The following MCC variants were observed in gnomAD, a reference collection of about 807,000 sequenced individuals.
MCC encodes MCC regulator of Wnt signaling pathway.
A neutral mutation model predicts 116.2 loss-of-function variants in MCC; 90 were observed. The observed-to-expected ratio is 0.77, with a 90% confidence interval of 0.65 to 0.92. The LOEUF is 0.92. Among genes scored for constraint, MCC ranks in the 40% least tolerant of loss-of-function variants. MCC has a pLI of 0.00. For synonymous variants in MCC, 578 were observed against 510.5 expected, an observed-to-expected ratio of 1.13 and a Z score of -1.78; for missense variants, 1,516 against 1,312.2, an observed-to-expected ratio of 1.16 and a Z score of -2.40.
chr5:113,049,969 T>A (rs1752377874), intron 15 of MCC, among the ~76,000 whole-genome samples: 1 of 152,176 alleles, frequency 6.6e-6, no homozygotes, highest in Non-Finnish European at 1.5e-5. Flanking sequence ...GAGTGGAGAA[T>A]ACGAAGTGAA....
rs951490709 is a variant in MCC at position 113,336,084 on chromosome 5, G to C, written c.627+4435C>G. Among the ~76,000 whole-genome samples, 11 of 151,612 alleles carry C rather than the reference G, an allele frequency of 7.3e-5. 1 individual carries two copies. Among genetic ancestry groups the C allele is most frequent in the African/African-American group, 2.7e-4 (11 of 40,960 alleles). On this transcript the variant is annotated intron_variant, in intron 3 of 18. Transcript: ENST00000408903. The stretch of plus-strand genomic sequence containing the variant: ...AAGAGTGCAAGGGCAAGGAGAAGGT[G>C]AGAGAAAAAGAAAGAGAGAGAGACA...
intron 3 of MCC, among the ~76,000 whole-genome samples, chr5:113,197,392 C>CT (rs1762466337): frequency 1.3e-5 from 2 of 152,036 alleles, no homozygotes; most frequent in South Asian, 2.1e-4. Flanking sequence ...TATGGGGTTT[C>CT]TTTTTTAGGC....
At chr5:113,387,914 A>T (rs1007743144) in intron 1 of MCC, among the ~76,000 whole-genome samples, 14 of 152,218 alleles carry the variant, frequency 9.2e-5, no homozygotes, top group Non-Finnish European at 1.5e-5. Context: ...TTAGGGCTTT[A>T]AAAATGAATT....
At chr5:113,428,280 T>C (rs1770534832) in intron 1 of MCC, among the ~76,000 whole-genome samples, 1 of 152,118 alleles carries the variant, frequency 6.6e-6, no homozygotes, top group South Asian at 2.1e-4. Context: ...ATAACTAATA[T>C]CTACAGACCC....
intron 3 of MCC, among the ~76,000 whole-genome samples, chr5:113,176,082 A>G (rs1303090496): frequency 1.3e-5 from 2 of 152,308 alleles, no homozygotes; most frequent in African/African-American, 4.8e-5. Flanking sequence ...ATACATTTGA[A>G]AATTCAGGAG....
At chr5:113,061,495 T>C (rs1354744535) in intron 14 of MCC, among the ~76,000 whole-genome samples, 1 of 152,230 alleles carries the variant, frequency 6.6e-6, no homozygotes, top group Non-Finnish European at 1.5e-5. Context: ...AGTCACTCTG[T>C]CCATAAGACT....
chr5:113,192,582 T>C (rs1762199927), intron 3 of MCC, among the ~76,000 whole-genome samples: 1 of 152,240 alleles, frequency 6.6e-6, no homozygotes, highest in South Asian at 2.1e-4. Context: ...ATCCTAGCTC[T>C]GAAACTAACA....
chr5:113,125,187 G>A (rs1757973638), intron 5 of MCC, among the ~76,000 whole-genome samples: 2 of 152,146 alleles, frequency 1.3e-5, no homozygotes, highest in Non-Finnish European at 2.9e-5. Context: ...AAATAATCAG[G>A]GTTAGATGGA....
intron 3 of MCC, among the ~76,000 whole-genome samples, chr5:113,156,106 G>C (rs1760155905): frequency 6.6e-6 from 1 of 152,188 alleles, no homozygotes; most frequent in African/African-American, 2.4e-5. Flanking sequence ...TCAGTCCCTA[G>C]CAACTTTGTG....
chr5:113,094,641 C>A (rs1035277204), intron 8 of MCC, among the ~76,000 whole-genome samples: 1 of 151,994 alleles, frequency 6.6e-6, no homozygotes, highest in Non-Finnish European at 1.5e-5. Flanking sequence ...AGGCTGGTCT[C>A]GAACTCCTGA....
At chr5:113,114,922 C>T (rs377254398) in intron 6 of MCC, among the ~76,000 whole-genome samples, 211 of 151,094 alleles carry the variant, frequency 1.4e-3, no homozygotes, top group African/African-American at 4.7e-3. Context: ...GTGCCATGGG[C>T]GCAGATGCTA....
intron 3 of MCC, among the ~76,000 whole-genome samples, chr5:113,172,520 G>A (rs1374638611): frequency 6.6e-6 from 1 of 152,142 alleles, no homozygotes; most frequent in East Asian, 1.9e-4. Context: ...AAAAGGCTTT[G>A]GGGAGGCAAA....
At chr5:113,038,040 C>T (rs1285200914) in intron 17 of MCC, among the ~76,000 whole-genome samples, 3 of 152,146 alleles carry the variant, frequency 2.0e-5, no homozygotes, top group African/African-American at 7.2e-5. Flanking sequence ...GGACACTACT[C>T]TCTGGGTTCT....
At chr5:113,316,649 G>A (rs1019012638) in intron 3 of MCC, among the ~76,000 whole-genome samples, 1 of 152,010 alleles carries the variant, frequency 6.6e-6, no homozygotes, top group Non-Finnish European at 1.5e-5. Context: ...ACATCTACAG[G>A]GATATAAAAG....
At chr5:113,161,255 G>C (rs533479384) in intron 3 of MCC, among the ~76,000 whole-genome samples, 70 of 152,304 alleles carry the variant, frequency 4.6e-4, no homozygotes, top group African/African-American at 1.6e-3. Context: ...TCATGGAGGA[G>C]ATGAAGATGT....
intron 1 of MCC, among the ~76,000 whole-genome samples, chr5:113,481,669 G>A (rs908884069): frequency 5.3e-5 from 8 of 152,138 alleles, no homozygotes; most frequent in Non-Finnish European, 1.0e-4. Context: ...AACCCGGGAG[G>A]CGGAGATTGC....
rs573836300 is a variant in MCC, at chr5:113,231,585, G to A, written c.628-80163C>T. Among the ~76,000 whole-genome samples, 5 of 152,188 alleles carry A rather than the reference G, an allele frequency of 3.3e-5. No individual in the cohort carries two copies. In the East Asian group the frequency reaches 7.7e-4, roughly 24 times the overall value. ...TGTTCCTACAGGCAAATATGTTAAT[G>A]AGCTTTCTCATTAATCCTCTTTCCC... On this transcript the variant is annotated intron_variant, in intron 3 of 18. Transcript: ENST00000408903.
intron 3 of MCC, among the ~76,000 whole-genome samples, chr5:113,152,325 AC>A (rs1759932195): frequency 6.6e-6 from 1 of 152,122 alleles, no homozygotes; most frequent in Non-Finnish European, 1.5e-5. Flanking sequence ...TATTTTTAAG[AC>A]CCGTTCAACA....
chr5:113,297,087 A>G (rs1766732397), intron 3 of MCC, among the ~76,000 whole-genome samples: 1 of 152,262 alleles, frequency 6.6e-6, no homozygotes, highest in Non-Finnish European at 1.5e-5. Flanking sequence ...CAATACTTAT[A>G]CTTCACATAA....
Sources: gnomAD v4.1 joint callset for allele counts (sites outside exome capture counted in the v4.1 genomes callset) on GRCh38, gnomAD v4.1.1 for gene constraint, MANE v1.5 for transcripts, NCBI Gene and HGNC (gene_info 2026-07-23, HGNC 2026-07-21) for gene names.